The following LOC122539214 variants were observed in gnomAD, a reference collection of about 807,000 sequenced individuals.
the LOC122539214 span, among the ~76,000 whole-genome samples, chr19:52,687,366 A>G: frequency 3.5e-5 from 2 of 56,560 alleles, 1 homozygote; most frequent in Non-Finnish European, 5.7e-5. Flanking sequence ...TATAAATTAT[A>G]ATATAAATTA....
At chr19:52,655,722 G>A in the LOC122539214 span, 1 of 845,962 alleles carries the variant, frequency 1.2e-6, no homozygotes, top group East Asian at 2.5e-5. Flanking sequence ...AAAACATTAG[G>A]GAGGAGTCAT....
At chr19:52,664,749 G>A in the LOC122539214 span, among the ~76,000 whole-genome samples, 1 of 150,466 alleles carries the variant, frequency 6.6e-6, no homozygotes. Flanking sequence ...CAAGGGGCCT[G>A]GTGTGGGGGG....
the LOC122539214 span, among the ~76,000 whole-genome samples, chr19:52,660,349 G>A: frequency 6.6e-6 from 1 of 152,084 alleles, no homozygotes; most frequent in Non-Finnish European, 1.5e-5. Context: ...CATGCTCACA[G>A]GCAGCCAGTG....
chr19:52,685,624 C>CGGTA, the LOC122539214 span, among the ~76,000 whole-genome samples: 1 of 151,956 alleles, frequency 6.6e-6, no homozygotes, highest in African/African-American at 2.4e-5. Context: ...TGGTCAGGCA[C>CGGTA]GGTAGCTCTT....
the LOC122539214 span, among the ~76,000 whole-genome samples, chr19:52,685,530 C>G: frequency 6.6e-6 from 1 of 151,990 alleles, no homozygotes. Flanking sequence ...TGTGAACACA[C>G]AGTAATTGAC....
At chr19:52,676,406 G>A in the LOC122539214 span, among the ~76,000 whole-genome samples, 2,312 of 152,086 alleles carry the variant, frequency 0.015, 39 homozygotes, top group African/African-American at 0.049. Context: ...CCGCCACCCC[G>A]TCTGGGAAGT....
At chr19:52,687,107 G>GA in the LOC122539214 span, among the ~76,000 whole-genome samples, 3 of 149,382 alleles carry the variant, frequency 2.0e-5, no homozygotes, top group Non-Finnish European at 4.4e-5. Flanking sequence ...CTTGAACCCA[G>GA]AAAGCAGAGG....
the LOC122539214 span, among the ~76,000 whole-genome samples, chr19:52,671,444 TAC>T: frequency 6.6e-6 from 1 of 152,122 alleles, no homozygotes; most frequent in Non-Finnish European, 1.5e-5. Context: ...CTTCAAGTTG[TAC>T]TTTTTTTTTT....
At chr19:52,685,897 C>CAAAAAA in the LOC122539214 span, among the ~76,000 whole-genome samples, 4 of 132,550 alleles carry the variant, frequency 3.0e-5, no homozygotes, top group Non-Finnish European at 5.0e-5. Flanking sequence ...GTAACTGTCA[C>CAAAAAA]AAAAAAAAAA....
chr19:52,687,374 TTATAATTTATA>T, the LOC122539214 span, among the ~76,000 whole-genome samples: 15 of 19,062 alleles, frequency 7.9e-4, no homozygotes, highest in African/African-American at 4.7e-3. Flanking sequence ...ATAATATAAA[TTATAATTTATA>T]TATATATAAT....
chr19:52,681,155 G>A, the LOC122539214 span, among the ~76,000 whole-genome samples: 1 of 151,334 alleles, frequency 6.6e-6, no homozygotes, highest in African/African-American at 2.4e-5. Context: ...CATGGTGGCA[G>A]GCACCTGTAA....
chr19:52,654,617 T>C, the LOC122539214 span, among the ~76,000 whole-genome samples: 1 of 152,124 alleles, frequency 6.6e-6, no homozygotes, highest in Admixed American at 6.6e-5. Context: ...CTCAGGACGC[T>C]GAGGCAGGAG....
chr19:52,676,888 T>C, the LOC122539214 span, among the ~76,000 whole-genome samples: 97,573 of 121,062 alleles, frequency 0.81, 40,127 homozygotes, highest in African/African-American at 0.95. Flanking sequence ...GGATTAAGGG[T>C]GGTGCAAGAT....
At chr19:52,686,032 C>A in the LOC122539214 span, among the ~76,000 whole-genome samples, 67 of 152,122 alleles carry the variant, frequency 4.4e-4, no homozygotes, top group African/African-American at 1.2e-3. Context: ...TTAATAGCTC[C>A]CAGCTCAAGA....
chr19:52,689,827 C>A, the LOC122539214 span, among the ~76,000 whole-genome samples: 1 of 152,160 alleles, frequency 6.6e-6, no homozygotes, highest in Non-Finnish European at 1.5e-5. Context: ...CCCGGAGGAG[C>A]TTATTTTCCA....
At chr19:52,655,566 G>A in the LOC122539214 span, 5 of 1,500,862 alleles carry the variant, frequency 3.3e-6, 1 homozygote, top group Non-Finnish European at 4.6e-6. Flanking sequence ...CTCACCCACA[G>A]ACTCCAGGTT....
the LOC122539214 span, among the ~76,000 whole-genome samples, chr19:52,672,648 G>C: frequency 2.0e-5 from 3 of 152,172 alleles, no homozygotes; most frequent in Non-Finnish European, 4.4e-5. Context: ...TGCCTAGGCT[G>C]GGGTGCAATG....
chr19:52,685,231 T>A, the LOC122539214 span, among the ~76,000 whole-genome samples: 22 of 152,156 alleles, frequency 1.4e-4, no homozygotes, highest in African/African-American at 5.1e-4. Flanking sequence ...TAGCCCCTCA[T>A]CTCCAAGTTG....
At chr19:52,685,652 A>T in the LOC122539214 span, among the ~76,000 whole-genome samples, 2 of 152,098 alleles carry the variant, frequency 1.3e-5, no homozygotes, top group African/African-American at 4.8e-5. Flanking sequence ...ATCCCAGCAC[A>T]TTGGGAGGTC....
Sources: allele counts gnomAD v4.1 joint callset (sites outside exome capture counted in the v4.1 genomes callset), GRCh38; gene constraint gnomAD v4.1.1; transcripts MANE v1.5.